The following XRN2 variants were observed in gnomAD, a reference collection of about 807,000 sequenced individuals.
The protein encoded by XRN2 is 5'-3' exoribonuclease 2.
Under a neutral mutation model 138.5 loss-of-function variants are expected in XRN2, and 44 were observed. The observed-to-expected ratio is 0.32, with a 90% confidence interval of 0.25 to 0.41. The LOEUF is 0.41. Ranked by LOEUF, XRN2 falls within the 10% of genes least tolerant of loss-of-function variation. XRN2 has a pLI of 1.00. For missense variants in XRN2, 937 were observed against 1,169.3 expected (o/e 0.80, Z 2.90); for synonymous variants, 354 against 369.4 (o/e 0.96, Z 0.48).
Position 21,363,628 on chromosome 20 carries a change from A to C in XRN2, c.2256-1793A>C, listed in dbSNP as rs142374081. On this transcript the variant is annotated intron_variant, in intron 24 of 29. Coordinates refer to ENST00000377191, the MANE Select transcript of XRN2 (RefSeq NM_012255.5). ...CAGCTGTTGAGCTTATGGTATATTTATTGTAAGTGAATCCATTTTTGTGTA... is the reference window on the plus strand; with the variant it reads ...CAGCTGTTGAGCTTATGGTATATTTCTTGTAAGTGAATCCATTTTTGTGTA... Among the ~76,000 whole-genome samples the C allele has an allele frequency of 3.1e-3, 469 of 152,324 alleles. 1 individual carries two copies. The highest frequency in any genetic ancestry group is 5.2e-3 in the Admixed American group (80 of 15,296).
chr20:21,337,384 G>A (rs1261661324), intron 13 of XRN2, among the ~76,000 whole-genome samples: 5 of 152,222 alleles, frequency 3.3e-5, no homozygotes, highest in East Asian at 3.8e-4. Context: ...AAGGAAAGGT[G>A]ACACAAGACT....
rs1364863920 is a variant in XRN2, at chr20:21,330,646, T to C, written c.517T>C (p.Cys173Arg). 6.2e-7 allele frequency: 1 copy of C among 1,613,522 alleles called. No individual in the cohort carries two copies. Among genetic ancestry groups the C allele is most frequent in the South Asian group, 1.1e-5 (1 of 91,052 alleles). Reference sequence around the variant, plus strand: ...TGAATTCATGGACAATCTTGCTAAATGCCTTCGCTATTACATAGCTGATCG... The same window carrying C: ...TGAATTCATGGACAATCTTGCTAAACGCCTTCGCTATTACATAGCTGATCG... ...GTEFMDNLAK[C>R]LRYYIADRLN... Residue 173 changes from cysteine to arginine, a missense_variant, in exon 6 of 30, where the codon TGC becomes CGC. Physicochemically the swap from Cys to Arg is radical, Grantham distance 180. This residue lies in a region of XRN2 where 471 missense variants were observed against 581.2 expected (regional missense o/e 0.81). Coordinates refer to ENST00000377191, the MANE Select transcript of XRN2 (RefSeq NM_012255.5).
chr20:21,319,799 G>T (rs1236179122), intron 1 of XRN2, among the ~76,000 whole-genome samples: 1 of 151,932 alleles, frequency 6.6e-6, no homozygotes, highest in African/African-American at 2.4e-5. Flanking sequence ...ACCGTCTGTA[G>T]CCATTTCCTT....
At chr20:21,380,969 AT>A (rs1162035538) in intron 27 of XRN2, among the ~76,000 whole-genome samples, 1 of 152,194 alleles carries the variant, frequency 6.6e-6, no homozygotes. Context: ...GCAGCTAGAT[AT>A]TTTATTGATT....
At position 21,346,403 on chromosome 20, in the gene XRN2, G is replaced by A. The variant is rs758978171; in HGVS notation, c.1530-12G>A. Reference sequence around the variant, plus strand: ...TGTTAATTCAGCATAAATGAGCTGTGCCTGGTTTTAGGTTATGGGAAGCTG... The same window carrying A: ...TGTTAATTCAGCATAAATGAGCTGTACCTGGTTTTAGGTTATGGGAAGCTG... On this transcript the variant is annotated splice_polypyrimidine_tract_variant and intron_variant, in intron 16 of 29. Coordinates refer to ENST00000377191, the MANE Select transcript of XRN2 (RefSeq NM_012255.5). 2.5e-6 allele frequency: 4 copies of A among 1,613,898 alleles called. No individual in the cohort carries two copies. The highest frequency in any genetic ancestry group is 2.5e-6 in the Non-Finnish European group (3 of 1,179,860).
At chr20:21,339,321 T>G (rs1433691556) in intron 14 of XRN2, among the ~76,000 whole-genome samples, 1 of 152,188 alleles carries the variant, frequency 6.6e-6, no homozygotes, top group Non-Finnish European at 1.5e-5. Flanking sequence ...GGGTGGCAGT[T>G]AGCTATTTGA....
chr20:21,349,924 C>T (rs2038484866), intron 20 of XRN2, among the ~76,000 whole-genome samples: 9 of 152,016 alleles, frequency 5.9e-5, no homozygotes, highest in Admixed American at 5.9e-4. Flanking sequence ...CTTTTGTTTC[C>T]TTTGTGATTA....
At chr20:21,368,119 G>A (rs573350588) in intron 26 of XRN2, among the ~76,000 whole-genome samples, 100 of 152,244 alleles carry the variant, frequency 6.6e-4, no homozygotes, top group Middle Eastern at 3.4e-3. Flanking sequence ...AAGATGTAGA[G>A]TAGTCATGTA....
chr20:21,328,072 TAAAG>T (rs1339501116), intron 3 of XRN2, among the ~76,000 whole-genome samples: 1 of 152,228 alleles, frequency 6.6e-6, no homozygotes, highest in Non-Finnish European at 1.5e-5. Flanking sequence ...ATTCTTCACA[TAAAG>T]AAATAGTTTT....
chr20:21,331,946 C>T (rs972801732), intron 8 of XRN2, 128 bp downstream of exon 8: 6 of 996,690 alleles, frequency 6.0e-6, no homozygotes, highest in Middle Eastern at 2.4e-4. Context: ...TTATGTTCGA[C>T]AGGGAACTAG....
At chr20:21,381,719 C>CACACAT (rs1555788523) in intron 27 of XRN2, among the ~76,000 whole-genome samples, 2 of 3,826 alleles carry the variant, frequency 5.2e-4, no homozygotes, top group Non-Finnish European at 7.7e-4. Context: ...CACATACACA[C>CACACAT]ACACACACAC....
Position 21,328,634 on chromosome 20 carries a change from G to T in XRN2, c.391G>T (p.Glu131Ter). ...ASKEGMEAAV[E>*]KQRVREEILA... ...AAAAGAAGGAATGGAAGCAGCAGTC[G>T]AGAAGCAGCGAGTCAGGGAAGAAAT... The change falls in exon 4 of 30, where the codon GAG becomes TAG. Residue 131 changes from glutamate to a stop codon, truncating the protein, a stop_gained. Transcript: ENST00000377191. LOFTEE classifies it high-confidence loss of function. The T allele has an allele frequency of 6.2e-7, 1 of 1,614,052 alleles. No homozygotes were observed. Among genetic ancestry groups the T allele is most frequent in the Non-Finnish European group, 8.5e-7 (1 of 1,179,984 alleles).
intron 28 of XRN2, among the ~76,000 whole-genome samples, chr20:21,382,442 G>A (rs1032697893): frequency 4.9e-4 from 74 of 152,206 alleles, no homozygotes; most frequent in African/African-American, 1.7e-3. Flanking sequence ...GCAATGCAGC[G>A]TTAGTACAGA....
At chr20:21,342,765 C>T (rs370424049) in intron 15 of XRN2, among the ~76,000 whole-genome samples, 5 of 152,240 alleles carry the variant, frequency 3.3e-5, no homozygotes, top group African/African-American at 1.2e-4. Flanking sequence ...CGTTATCATC[C>T]CCATTTTAAG....
At position 21,348,445 on chromosome 20, in the gene XRN2, T is replaced by G. The variant is rs1256891812; in HGVS notation, c.1863+15T>G. ...TGAGTGATCCTGTGAGTCTCAGTAT[T>G]TTGAGTGTGTGGGTGACAGGATTTT... On this transcript the variant is annotated intron_variant, in intron 19 of 29. Coordinates refer to ENST00000377191, the MANE Select transcript of XRN2 (RefSeq NM_012255.5). 6.2e-7 allele frequency: 1 copy of G among 1,608,440 alleles called. No homozygotes were observed. The highest frequency in any genetic ancestry group is 2.2e-5 in the East Asian group (1 of 44,820).
intron 1 of XRN2, chr20:21,303,818 C>G: frequency 1.9e-6 from 2 of 1,065,974 alleles, no homozygotes; most frequent in East Asian, 7.3e-5. Context: ...GGAAGAGGTT[C>G]AGAGGCTGTT....
rs1172818316 is a variant in XRN2 at position 21,303,367 on chromosome 20, C to T, written c.-32C>T. On this transcript the variant is annotated 5_prime_UTR_variant, in exon 1 of 30. Coordinates refer to ENST00000377191, the MANE Select transcript of XRN2 (RefSeq NM_012255.5). ...CGTCTCTTTGGTTACGCTCGTCAGC[C>T]GGTCGGCCGCCGCCTCCAGCCGTGT... 3 of 1,541,482 alleles carry T rather than the reference C, an allele frequency of 1.9e-6. No individual in the cohort carries two copies. The highest frequency in any genetic ancestry group is 1.4e-5 in the African/African-American group (1 of 71,344).
intron 27 of XRN2, among the ~76,000 whole-genome samples, chr20:21,381,703 TACACACACATACACAC>T (rs1332520383): frequency 2.4e-5 from 1 of 42,232 alleles, no homozygotes; most frequent in African/African-American, 2.0e-4. Flanking sequence ...TATCTTTACT[TACACACACATACACAC>T]ACACACACAC....
rs1309415664 is a variant in XRN2 at position 21,303,716 on chromosome 20, G to A, written c.75+243G>A. On this transcript the variant is annotated intron_variant, in intron 1 of 29. Coordinates refer to ENST00000377191, the MANE Select transcript of XRN2 (RefSeq NM_012255.5). ...GGCCTATAGGGTTCCGAACTCGCAG[G>A]AGGGTCGCTCCTCCCCTACTCGCTT... 4.8e-6 allele frequency: 6 copies of A among 1,248,326 alleles called. No homozygotes were observed. In the East Asian group the frequency reaches 1.4e-4, roughly 30 times the overall value. The allele number at this position is 1,248,326 out of a possible 1,614,324, so 77.3% of individuals were successfully genotyped here. A position where few individuals can be genotyped will look rare whatever the true frequency, so the allele number is the denominator to read the frequency against.
Sources: gnomAD v4.1 joint callset for allele counts (sites outside exome capture counted in the v4.1 genomes callset) on GRCh38, gnomAD v4.1.1 for gene constraint, gnomAD v4.1.1 regional missense constraint, MANE v1.5 for transcripts, NCBI Gene and HGNC (gene_info 2026-07-23, HGNC 2026-07-21) for gene names.